SPAG16: variants seen among roughly 807,000 people sequenced by gnomAD.
SPAG16 encodes the protein sperm associated antigen 16.
Under a neutral mutation model 80.4 loss-of-function variants are expected in SPAG16, and 86 were observed. The observed-to-expected ratio is 1.07, with a 90% confidence interval of 0.90 to 1.28. The LOEUF is 1.28. Ranked by LOEUF, SPAG16 falls within the 50% of genes most tolerant of loss-of-function variation. The pLI is 0.00. For synonymous variants in SPAG16, 294 were observed against 265.9 expected (o/e 1.11, Z -1.03); for missense variants, 870 against 765.3 (o/e 1.14, Z -1.61).
intron 6 of SPAG16, among the ~76,000 whole-genome samples, chr2:213,344,382 T>C (rs140499204): frequency 6.6e-6 from 1 of 152,090 alleles, no homozygotes; most frequent in Admixed American, 6.6e-5. Flanking sequence ...TGGAGTTTTT[T>C]TCTTTTTTTT....
chr2:213,858,306 T>C (rs1396630089), intron 10 of SPAG16, among the ~76,000 whole-genome samples: 1 of 152,164 alleles, frequency 6.6e-6, no homozygotes, highest in Non-Finnish European at 1.5e-5. Context: ...TGTTGTCTTA[T>C]TTTCAGAATT....
At chr2:214,102,260 C>T (rs1030698164) in intron 13 of SPAG16, among the ~76,000 whole-genome samples, 15 of 151,444 alleles carry the variant, frequency 9.9e-5, no homozygotes, top group Admixed American at 7.9e-4. Context: ...TCTTGTGGAG[C>T]GTAATTTTAG....
intron 10 of SPAG16, among the ~76,000 whole-genome samples, chr2:213,733,426 T>G (rs6760056): frequency 0.92 from 140,000 of 151,414 alleles, 65,768 homozygotes; most frequent in East Asian, 1. Flanking sequence ...GAAAGTGATT[T>G]TCCTTGGAGA....
chr2:213,353,938 C>T (rs187748520), intron 7 of SPAG16, among the ~76,000 whole-genome samples: 72 of 152,210 alleles, frequency 4.7e-4, no homozygotes, highest in African/African-American at 1.6e-3. Flanking sequence ...ATGTGCACAA[C>T]GTACAGGTTT....
chr2:213,358,236 T>C (rs946161398), intron 7 of SPAG16, among the ~76,000 whole-genome samples: 1 of 152,198 alleles, frequency 6.6e-6, no homozygotes, highest in Non-Finnish European at 1.5e-5. Context: ...TTATGTGTCT[T>C]AGGGTTACTC....
chr2:214,235,585 A>G (rs1461174831), intron 15 of SPAG16, among the ~76,000 whole-genome samples: 3 of 152,164 alleles, frequency 2.0e-5, no homozygotes, highest in Admixed American at 2.0e-4. Flanking sequence ...TATTGAGAAG[A>G]ATTTTAAAAA....
intron 10 of SPAG16, among the ~76,000 whole-genome samples, chr2:213,809,313 GAGA>G (rs2071972303): frequency 6.6e-6 from 1 of 152,142 alleles, no homozygotes; most frequent in African/African-American, 2.4e-5. Context: ...CCCTGGCTAA[GAGA>G]AGAAGTCTTT....
intron 1 of SPAG16, chr2:213,285,994 T>G: frequency 9.4e-7 from 1 of 1,060,986 alleles, no homozygotes; most frequent in South Asian, 1.3e-5. Context: ...TAACATGAGA[T>G]TGACACAATG....
intron 9 of SPAG16, among the ~76,000 whole-genome samples, chr2:213,453,147 CTTGTA>C (rs1400918174): frequency 6.6e-6 from 1 of 152,114 alleles, no homozygotes; most frequent in Middle Eastern, 3.2e-3. Flanking sequence ...GTTTATGGTT[CTTGTA>C]TTGTAATAAT....
chr2:213,680,268 T>C (rs2064312143), intron 10 of SPAG16, among the ~76,000 whole-genome samples: 2 of 152,000 alleles, frequency 1.3e-5, no homozygotes, highest in Admixed American at 6.6e-5. Flanking sequence ...GGAGCCTTGT[T>C]TGGCTGGGGG....
At position 213,350,625 on chromosome 2, in the gene SPAG16, A is replaced by G; in HGVS notation, c.742A>G (p.Arg248Gly). The G allele has an allele frequency of 6.3e-7, 1 of 1,597,560 alleles. No individual in the cohort carries two copies. Among genetic ancestry groups the G allele is most frequent in the Non-Finnish European group, 8.5e-7 (1 of 1,174,038 alleles). Residue 248 changes from arginine to glycine, a missense_variant, in exon 7 of 16, where the codon AGA becomes GGA. Transcript: ENST00000331683. Reference protein sequence around the residue: ...LKEKMLTSLERDKVVGQISGL... With the variant: ...LKEKMLTSLEGDKVVGQISGL... ...GGAGAAAATGCTGACCTCCTTGGAA[A>G]GAGACAAAGTAGTTGGGCAGGTAAA...
intron 5 of SPAG16, among the ~76,000 whole-genome samples, chr2:213,318,657 G>T (rs1272368873): frequency 6.6e-6 from 1 of 151,664 alleles, no homozygotes; most frequent in African/African-American, 2.4e-5. Flanking sequence ...TTTTAAAAAA[G>T]AAAATATAAA....
At chr2:213,620,690 G>T (rs965061245) in intron 10 of SPAG16, among the ~76,000 whole-genome samples, 13 of 152,046 alleles carry the variant, frequency 8.6e-5, no homozygotes, top group African/African-American at 2.7e-4. Flanking sequence ...TAATTACTCT[G>T]ATTTGATCAT....
rs573902074 is a variant in SPAG16 at position 213,459,526 on chromosome 2, A to T, written c.943-30437A>T. Among the ~76,000 whole-genome samples, 7 of 152,284 alleles carry T rather than the reference A, an allele frequency of 4.6e-5. No homozygotes were observed. The South Asian group carries it at 8.3e-4, about 18-fold the overall frequency. ...GTCAAGTCTATTTCTAGGAATGAGG[A>T]TCATTCTTATTCCTTGTATGTAGCC... On this transcript the variant is annotated intron_variant, in intron 9 of 15. Transcript: ENST00000331683.
chr2:213,861,652 G>A (rs936806937), intron 10 of SPAG16, among the ~76,000 whole-genome samples: 1 of 152,150 alleles, frequency 6.6e-6, no homozygotes, highest in Non-Finnish European at 1.5e-5. Context: ...GTAAGGCATA[G>A]ATGAAACTTT....
intron 15 of SPAG16, among the ~76,000 whole-genome samples, chr2:214,216,845 T>C (rs2058444754): frequency 6.6e-6 from 1 of 152,242 alleles, no homozygotes; most frequent in Admixed American, 6.5e-5. Context: ...AGTTTTAAAC[T>C]TATTCTTTCA....
chr2:214,177,082 A>C (rs2125653866), intron 15 of SPAG16, among the ~76,000 whole-genome samples: 1 of 151,298 alleles, frequency 6.6e-6, no homozygotes, highest in African/African-American at 2.4e-5. Context: ...GTTTGGAATA[A>C]ATCTCTTAAA....
Position 214,352,558 on chromosome 2 carries a change from C to CTCTGTGTGTGTGTG in SPAG16, c.1721-57581_1721-57580insCTGTGTGTGTGTGT, listed in dbSNP as rs796885924. On this transcript the variant is annotated intron_variant, in intron 15 of 15. Transcript: ENST00000331683. Reference sequence around the variant, plus strand: ...GCTTTTTGTCCTTGACTTTTTTTCTCTGTGTGTGTGTGTGTGTATGTGTGA... The same window carrying CTCTGTGTGTGTGTG: ...GCTTTTTGTCCTTGACTTTTTTTCTCTCTGTGTGTGTGTGTGTGTGTGTGTGTGTGTATGTGTGA... 2.8e-4 allele frequency among the ~76,000 whole-genome samples: 40 copies of CTCTGTGTGTGTGTG among 142,514 alleles called. 1 individual carries two copies. The highest frequency in any genetic ancestry group is 2.2e-3 in the South Asian group (10 of 4,598). 93.5% of individuals were successfully genotyped at this position (142,514 alleles called of 152,430 possible). A position where few individuals can be genotyped will look rare whatever the true frequency, so the allele number is the denominator to read the frequency against.
intron 11 of SPAG16, among the ~76,000 whole-genome samples, chr2:213,899,060 C>T (rs1253496745): frequency 6.6e-6 from 1 of 151,994 alleles, no homozygotes; most frequent in African/African-American, 2.4e-5. Flanking sequence ...CTTACCAAGA[C>T]TTGAAGGGAT....
Sources: allele counts gnomAD v4.1 joint callset (sites outside exome capture counted in the v4.1 genomes callset), GRCh38; gene constraint gnomAD v4.1.1; transcripts MANE v1.5; gene names NCBI Gene and HGNC (gene_info 2026-07-23, HGNC 2026-07-21).